Variants in TET1 observed in about 807,000 individuals in gnomAD.
The protein encoded by TET1 is methylcytosine dioxygenase TET1.
Under a neutral mutation model 148.7 loss-of-function variants are expected in TET1, and 13 were observed. That is an observed-to-expected ratio of 0.09 (90% CI 0.06 to 0.14). The LOEUF is 0.14. TET1 is among the 10% of genes least tolerant of loss of function. The probability of loss-of-function intolerance (pLI) is 1.00; values close to 1 mark genes in which losing one functional copy is unlikely to be tolerated. For missense variants in TET1, 2,182 were observed against 2,553.8 expected (o/e 0.85, Z 3.14); for synonymous variants, 907 against 937.2 (o/e 0.97, Z 0.59).
chr10:68,615,938 C>T (rs577183197), intron 3 of TET1, among the ~76,000 whole-genome samples: 10 of 152,316 alleles, frequency 6.6e-5, no homozygotes, highest in East Asian at 5.8e-4. Context: ...TAAGCCACCA[C>T]GTCCGGCCTA....
At chr10:68,585,022 G>A (rs1192675083) in intron 2 of TET1, among the ~76,000 whole-genome samples, 2 of 151,382 alleles carry the variant, frequency 1.3e-5, no homozygotes, top group South Asian at 2.1e-4. Flanking sequence ...TGCTTTGTTC[G>A]AGTCAGAGTT....
At chr10:68,565,473 AAAATATATAT>A (rs2053597223) in intron 1 of TET1, among the ~76,000 whole-genome samples, 1 of 51,506 alleles carries the variant, frequency 1.9e-5, no homozygotes, top group South Asian at 7.9e-4. Flanking sequence ...TTAAAAAAAA[AAAATATATAT>A]ATATATATAT....
intron 2 of TET1, among the ~76,000 whole-genome samples, chr10:68,588,965 A>G (rs2053889813): frequency 6.6e-6 from 1 of 151,992 alleles, no homozygotes; most frequent in Admixed American, 6.6e-5. Context: ...TCTACAAAAA[A>G]TGCAGGAATT....
At chr10:68,662,122 G>A (rs1055927623) in intron 6 of TET1, among the ~76,000 whole-genome samples, 5 of 95,716 alleles carry the variant, frequency 5.2e-5, no homozygotes, top group Non-Finnish European at 1.0e-4. Context: ...TGGTCTGCCT[G>A]CCCTGGCCTC....
intron 3 of TET1, among the ~76,000 whole-genome samples, chr10:68,641,495 TA>T (rs1223880210): frequency 1.2e-4 from 18 of 147,986 alleles, no homozygotes; most frequent in African/African-American, 3.5e-4. Context: ...TTTATTTATT[TA>T]TTTAATTTTA....
Position 68,645,598 on chromosome 10 carries a change from C to A in TET1, c.2869C>A (p.Pro957Thr). The change falls in exon 4 of 12, where the codon CCA becomes ACA. Residue 957 changes from proline to threonine, a missense_variant. This residue lies in a region of TET1 where 582 missense variants were observed against 599.5 expected (regional missense o/e 0.97). Transcript: ENST00000373644. ...QGEPPKLNHC[P>T]SLEKQSSCNT... ...AGAGCCACCAAAACTTAATCACTGT[C>A]CATCTTTGGAAAAACAAAGTTCATG... is the stretch of plus-strand genomic sequence containing the variant. 1.2e-6 allele frequency: 2 copies of A among 1,614,146 alleles called. No individual in the cohort carries two copies. The highest frequency in any genetic ancestry group is 1.7e-5 in the Admixed American group (1 of 60,004).
rs747700264 is a variant in TET1 at position 68,667,077 on chromosome 10, T to A, written c.4494T>A (p.Val1498=). ...GAAGAAGCAGTGATGAAGAAAAAGT[T>A]CTTTGTTTGGTCCGGCAGCGTACAG... ...VLRRSSDEEK[V]LCLVRQRTGH... Residue 1498 remains valine (V), a synonymous_variant, in exon 7 of 12, where the codon GTT becomes GTA. Transcript: ENST00000373644. The A allele has an allele frequency of 6.2e-7, 1 of 1,614,024 alleles. No homozygotes were observed. Among genetic ancestry groups the A allele is most frequent in the Admixed American group, 1.7e-5 (1 of 59,992 alleles).
At chr10:68,637,965 A>G (rs2054680320) in intron 3 of TET1, among the ~76,000 whole-genome samples, 1 of 152,160 alleles carries the variant, frequency 6.6e-6, no homozygotes, top group African/African-American at 2.4e-5. Context: ...GTTTTCGTAG[A>G]GCCAGGGTTT....
In TET1 at chr10:68,646,404, A is replaced by G; in HGVS notation, c.3675A>G (p.Gln1225=). The change falls in exon 4 of 12, where the codon CAA becomes CAG. Residue 1225 remains glutamine (Q), a synonymous_variant. Coordinates refer to ENST00000373644, the MANE Select transcript of TET1 (RefSeq NM_030625.3). The part of the protein sequence containing the change: ...SSTKIWKPLA[Q]TRSIMQPKTV... ...CCAAAATATGGAAACCACTGGCTCA[A>G]ACGAGGTCCATTATGCAACCCAAAA... The G allele has an allele frequency of 6.2e-7, 1 of 1,614,208 alleles. No homozygotes were observed. The highest frequency in any genetic ancestry group is 1.1e-5 in the South Asian group (1 of 91,084).
At chr10:68,625,544 C>T (rs2054465333) in intron 3 of TET1, among the ~76,000 whole-genome samples, 1 of 152,160 alleles carries the variant, frequency 6.6e-6, no homozygotes, top group Non-Finnish European at 1.5e-5. Context: ...CAGGATGTAA[C>T]TTTAACAGAA....
intron 4 of TET1, among the ~76,000 whole-genome samples, chr10:68,650,194 G>A (rs1004997607): frequency 6.6e-6 from 1 of 152,128 alleles, no homozygotes; most frequent in Non-Finnish European, 1.5e-5. Context: ...GATGCCAGTA[G>A]TAATGCACAC....
chr10:68,598,735 A>G (rs12243168), intron 2 of TET1, among the ~76,000 whole-genome samples: 8,762 of 140,540 alleles, frequency 0.062, 636 homozygotes, highest in African/African-American at 0.18. Context: ...AGTCTGGCTC[A>G]GCCATCTAGG....
intron 2 of TET1, among the ~76,000 whole-genome samples, chr10:68,597,091 T>TG (rs1197885466): frequency 1.4e-5 from 2 of 146,748 alleles, no homozygotes; most frequent in Non-Finnish European, 3.0e-5. Context: ...TGGAGTGCAG[T>TG]GGCACGATCT....
chr10:68,649,640 C>T (rs1175615957), intron 4 of TET1, among the ~76,000 whole-genome samples: 2 of 150,362 alleles, frequency 1.3e-5, no homozygotes, highest in African/African-American at 4.9e-5. Context: ...GAACACTTTT[C>T]TAAATATCCT....
chr10:68,644,674 A>T, intron 3 of TET1, 24 bp from the exon 4 acceptor site: 1 of 1,529,144 alleles, frequency 6.5e-7, no homozygotes, highest in Non-Finnish European at 8.7e-7. Context: ...AGTAGATGAC[A>T]TAAGTAATTT....
At chr10:68,596,017 C>CATATATATATAT (rs1401841209) in intron 2 of TET1, among the ~76,000 whole-genome samples, 1 of 108,556 alleles carries the variant, frequency 9.2e-6, no homozygotes, top group African/African-American at 4.0e-5. Flanking sequence ...CACACACACA[C>CATATATATATAT]ACACACACAC....
At chr10:68,682,650 T>C (rs2055452429) in intron 9 of TET1, among the ~76,000 whole-genome samples, 186 bp from the exon 10 acceptor site, 1 of 152,236 alleles carries the variant, frequency 6.6e-6, no homozygotes, top group Non-Finnish European at 1.5e-5. Flanking sequence ...TTTTACTCCA[T>C]GTATTGTCAA....
chr10:68,625,885 G>A (rs2054470117), intron 3 of TET1, among the ~76,000 whole-genome samples: 1 of 151,880 alleles, frequency 6.6e-6, no homozygotes, highest in South Asian at 2.1e-4. Flanking sequence ...CCAGGAGTTT[G>A]AGACCAGCCT....
intron 3 of TET1, among the ~76,000 whole-genome samples, chr10:68,612,842 T>A (rs2054236709): frequency 6.6e-6 from 1 of 152,146 alleles, no homozygotes; most frequent in African/African-American, 2.4e-5. Flanking sequence ...GGTCTTGAAC[T>A]CTTGAGCTCA....
Sources: gnomAD v4.1 joint callset for allele counts (sites outside exome capture counted in the v4.1 genomes callset) on GRCh38, gnomAD v4.1.1 for gene constraint, gnomAD v4.1.1 regional missense constraint, MANE v1.5 for transcripts, NCBI Gene and HGNC (gene_info 2026-07-23, HGNC 2026-07-21) for gene names.